AGBL4: variants seen among roughly 807,000 people sequenced by gnomAD.
The protein encoded by AGBL4 is cytosolic carboxypeptidase 6.
A neutral mutation model predicts 66.4 loss-of-function variants in AGBL4; 58 were observed. The ratio of observed to expected loss-of-function variants is 0.87; its 90% CI spans 0.71 to 1.09. The LOEUF is 1.09. Ranked by LOEUF, AGBL4 falls within the 50% of genes least tolerant of loss-of-function variation. AGBL4 has a pLI of 0.00. For missense variants in AGBL4, 579 were observed against 631.0 expected (o/e 0.92, Z 0.88); for synonymous variants, 234 against 222.9 (o/e 1.05, Z -0.44).
chr1:49,395,779 G>GTATACA (rs1359153313), intron 3 of AGBL4, among the ~76,000 whole-genome samples: 6 of 133,126 alleles, frequency 4.5e-5, no homozygotes, highest in African/African-American at 8.7e-5. Context: ...ATATATACAT[G>GTATACA]TGTATATATG....
intron 4 of AGBL4, among the ~76,000 whole-genome samples, chr1:49,240,757 C>A (rs1332984973): frequency 6.6e-6 from 1 of 151,864 alleles, no homozygotes; most frequent in African/African-American, 2.4e-5. Context: ...TCCGTACTTC[C>A]ATATTCCTCT....
At chr1:49,468,481 C>T (rs1340495165) in intron 3 of AGBL4, among the ~76,000 whole-genome samples, 2 of 151,698 alleles carry the variant, frequency 1.3e-5, no homozygotes, top group Admixed American at 1.3e-4. Context: ...TTCTAAAATC[C>T]CTAACATCTA....
chr1:49,242,981 T>C (rs2148323424), intron 4 of AGBL4, among the ~76,000 whole-genome samples: 1 of 151,736 alleles, frequency 6.6e-6, no homozygotes, highest in Admixed American at 6.6e-5. Context: ...GTTTGTTTCA[T>C]CTTGAAAAGG....
intron 1 of AGBL4, among the ~76,000 whole-genome samples, chr1:49,906,953 T>C (rs962796565): frequency 6.6e-6 from 1 of 152,104 alleles, no homozygotes; most frequent in African/African-American, 2.4e-5. Flanking sequence ...AAATATAAGA[T>C]GGGCCATTAT....
intron 1 of AGBL4, among the ~76,000 whole-genome samples, chr1:49,902,703 T>C (rs930750365): frequency 2.0e-5 from 3 of 152,128 alleles, no homozygotes; most frequent in African/African-American, 7.2e-5. Flanking sequence ...GCTGAGATCA[T>C]GTCACTACAC....
At chr1:49,828,642 A>T (rs190280521) in intron 2 of AGBL4, among the ~76,000 whole-genome samples, 494 of 152,314 alleles carry the variant, frequency 3.2e-3, no homozygotes, top group African/African-American at 0.012. Context: ...TAAGAAGTTC[A>T]CATTATATTC....
chr1:49,833,333 G>A (rs1645750788), intron 2 of AGBL4, among the ~76,000 whole-genome samples: 1 of 151,062 alleles, frequency 6.6e-6, no homozygotes, highest in African/African-American at 2.4e-5. Context: ...TGAGGGCTCT[G>A]TTCTGTTCCA....
chr1:49,321,785 T>G (rs761062342), intron 3 of AGBL4, among the ~76,000 whole-genome samples: 12 of 152,330 alleles, frequency 7.9e-5, no homozygotes, highest in South Asian at 2.1e-4. Context: ...TCTCCTTTCC[T>G]TCTGAACATA....
At chr1:48,988,204 G>A (rs555451163) in intron 5 of AGBL4, among the ~76,000 whole-genome samples, 1 of 152,020 alleles carries the variant, frequency 6.6e-6, no homozygotes, top group African/African-American at 2.4e-5. Context: ...TCGAGAACAG[G>A]GATTTTTCCT....
chr1:48,779,218 A>G (rs1032313059), intron 6 of AGBL4, among the ~76,000 whole-genome samples: 7 of 151,940 alleles, frequency 4.6e-5, no homozygotes, highest in East Asian at 1.9e-4. Context: ...CCAATGGCCA[A>G]CCTCCTCTCT....
At chr1:48,818,348 CCATA>C in intron 6 of AGBL4, 2 of 697,994 alleles carry the variant, frequency 2.9e-6, no homozygotes. Context: ...TAATTGGGAG[CCATA>C]CATGAAACAT....
chr1:49,162,211 T>TATG (rs1047558817), intron 4 of AGBL4, among the ~76,000 whole-genome samples: 9 of 152,082 alleles, frequency 5.9e-5, no homozygotes, highest in African/African-American at 1.4e-4. Context: ...TAATAGCAAT[T>TATG]ATGATGATGA....
intron 3 of AGBL4, among the ~76,000 whole-genome samples, chr1:49,311,133 T>C (rs1266389164): frequency 1.3e-5 from 2 of 152,084 alleles, no homozygotes; most frequent in Admixed American, 6.6e-5. Flanking sequence ...ATCGGTATTA[T>C]CACATGGTAC....
In AGBL4 at chr1:48,825,861, G is replaced by A. The variant is rs538709261; in HGVS notation, c.634+41330C>T. On this transcript the variant is annotated intron_variant, in intron 6 of 13. Coordinates refer to ENST00000371839, the MANE Select transcript of AGBL4 (RefSeq NM_032785.4). ...ATTGCACTGTCTTCTATGGGCAATG[G>A]GGAGACAAGGAAGGTGCTTAAGCAG... Among the ~76,000 whole-genome samples the A allele has an allele frequency of 2.0e-5, 3 of 152,300 alleles. No homozygotes were observed. In the South Asian group the frequency reaches 6.2e-4, roughly 32 times the overall value.
chr1:49,573,343 C>T (rs567967990), intron 3 of AGBL4, among the ~76,000 whole-genome samples: 1 of 152,108 alleles, frequency 6.6e-6, no homozygotes, highest in East Asian at 1.9e-4. Context: ...CACAAAAATG[C>T]TAGGACTCTA....
chr1:48,855,086 GCT>G (rs1377107971), intron 6 of AGBL4, among the ~76,000 whole-genome samples: 4 of 152,152 alleles, frequency 2.6e-5, no homozygotes, highest in African/African-American at 9.7e-5. Flanking sequence ...ATTTAATTTA[GCT>G]TTTGTGTCTT....
At chr1:48,713,716 C>T (rs1400471217) in intron 6 of AGBL4, among the ~76,000 whole-genome samples, 1 of 152,156 alleles carries the variant, frequency 6.6e-6, no homozygotes, top group African/African-American at 2.4e-5. Flanking sequence ...AAGGAAGAGG[C>T]TAGGTGCAGA....
At chr1:48,821,182 T>A (rs1413712239) in intron 6 of AGBL4, among the ~76,000 whole-genome samples, 1 of 152,164 alleles carries the variant, frequency 6.6e-6, no homozygotes, top group South Asian at 2.1e-4. Context: ...AAAAACAGTA[T>A]GGGGATTTCT....
intron 4 of AGBL4, among the ~76,000 whole-genome samples, chr1:49,071,947 A>G (rs1279046010): frequency 6.6e-6 from 1 of 152,080 alleles, no homozygotes; most frequent in Non-Finnish European, 1.5e-5. Flanking sequence ...GTGCATATAT[A>G]TTCAGGATAG....
Sources: allele counts gnomAD v4.1 joint callset (sites outside exome capture counted in the v4.1 genomes callset), GRCh38; gene constraint gnomAD v4.1.1; transcripts MANE v1.5; gene names NCBI Gene and HGNC (gene_info 2026-07-23, HGNC 2026-07-21).